The following MS4A4E variants were observed in gnomAD, a reference collection of about 807,000 sequenced individuals.
The protein encoded by MS4A4E is putative membrane-spanning 4-domains subfamily A member 4E.
Under a neutral mutation model 13.3 loss-of-function variants are expected in MS4A4E, and 23 were observed. That is an observed-to-expected ratio of 1.73 (90% CI 1.25 to 2.45). MS4A4E has a LOEUF of 2.45. Among genes scored for constraint, MS4A4E ranks in the 30% most tolerant of loss-of-function variants. The probability of loss-of-function intolerance (pLI) is 0.00; values close to 1 mark genes in which losing one functional copy is unlikely to be tolerated. For missense variants in MS4A4E, 144 were observed against 131.2 expected (o/e 1.10, Z -0.48); for synonymous variants, 36 against 45.6 (o/e 0.79, Z 0.85).
chr11:60,217,479 C>T (rs1318419630), intron 3 of MS4A4E, among the ~76,000 whole-genome samples: 1 of 152,124 alleles, frequency 6.6e-6, no homozygotes, highest in Non-Finnish European at 1.5e-5. Flanking sequence ...CTAACCCACA[C>T]TGCCATCAGC....
At chr11:60,213,271 A>G in intron 4 of MS4A4E, 139 bp from the exon 5 acceptor site, 1 of 1,535,248 alleles carries the variant, frequency 6.5e-7, no homozygotes, top group Non-Finnish European at 8.7e-7. Context: ...TTCAACTCTG[A>G]TCTCTCGCCA....
intron 8 of MS4A4E, among the ~76,000 whole-genome samples, chr11:60,204,222 G>C (rs1181635451): frequency 2.6e-5 from 4 of 152,204 alleles, no homozygotes; most frequent in Admixed American, 2.6e-4. Flanking sequence ...TTTATTATGA[G>C]TTAGAGAGGA....
At chr11:60,204,981 C>T (rs761506610) in intron 7 of MS4A4E, among the ~76,000 whole-genome samples, 23 bp from the exon 8 acceptor site, 1 of 152,078 alleles carries the variant, frequency 6.6e-6, no homozygotes, top group Non-Finnish European at 1.5e-5. Flanking sequence ...GACAGGTTAG[C>T]ATTGAAAGAA....
chr11:60,224,937 C>A (rs2134953564), intron 3 of MS4A4E: 1 of 1,476,638 alleles, frequency 6.8e-7, no homozygotes, highest in South Asian at 1.3e-5. Flanking sequence ...ATGTTATATC[C>A]AATTATATCA....
intron 3 of MS4A4E, among the ~76,000 whole-genome samples, chr11:60,219,388 G>A (rs1250270382): frequency 6.6e-6 from 1 of 152,184 alleles, no homozygotes; most frequent in African/African-American, 2.4e-5. Flanking sequence ...AAGAGGCAAA[G>A]CAGCAATCAG....
At chr11:60,215,377 G>A (rs2084179792) in intron 3 of MS4A4E, among the ~76,000 whole-genome samples, 1 of 151,530 alleles carries the variant, frequency 6.6e-6, no homozygotes, top group Non-Finnish European at 1.5e-5. Context: ...CATTTGGGAT[G>A]TTCCTTCAAC....
chr11:60,235,924 C>A (rs1457655579), intron 1 of MS4A4E, among the ~76,000 whole-genome samples: 1 of 152,130 alleles, frequency 6.6e-6, no homozygotes, highest in East Asian at 1.9e-4. Context: ...TTGGTTTTTG[C>A]TCCACTTTGA....
intron 3 of MS4A4E, among the ~76,000 whole-genome samples, chr11:60,216,374 T>C (rs2084193030): frequency 1.3e-5 from 2 of 152,108 alleles, no homozygotes; most frequent in African/African-American, 4.8e-5. Flanking sequence ...TATGTGATTC[T>C]GATAATGGAG....
chr11:60,213,184 T>A, intron 4 of MS4A4E, 52 bp from the exon 5 acceptor site: 1 of 1,046,742 alleles, frequency 9.6e-7, no homozygotes, highest in South Asian at 1.5e-5. Flanking sequence ...CTCAGATATA[T>A]CTCTGTTAAT....
Position 60,236,167 on chromosome 11 carries a change from C to G in MS4A4E, c.-16-6096G>C, listed in dbSNP as rs146456793. Among the ~76,000 whole-genome samples the G allele has an allele frequency of 2.6e-5, 4 of 152,284 alleles. No individual in the cohort carries two copies. In the East Asian group the frequency reaches 7.7e-4, roughly 29 times the overall value. On this transcript the variant is annotated intron_variant, in intron 1 of 8. Coordinates refer to ENST00000651255, the MANE Select transcript of MS4A4E (RefSeq NM_001393391.1). ...AATTCTATTCCATTGTTCTATATGT[C>G]TGTCCTTATGCCAATACCACACTGT...
intron 3 of MS4A4E, among the ~76,000 whole-genome samples, chr11:60,217,094 T>C (rs922954777): frequency 1.3e-5 from 2 of 152,124 alleles, no homozygotes; most frequent in Admixed American, 6.6e-5. Flanking sequence ...GACAAAGTGA[T>C]GAAAGAAAAT....
intron 3 of MS4A4E, among the ~76,000 whole-genome samples, chr11:60,226,679 C>A (rs673996): frequency 0.42 from 63,556 of 152,032 alleles, 13,684 homozygotes; most frequent in Admixed American, 0.42. Context: ...CTACAGCTAA[C>A]TTCATACTTA....
chr11:60,224,572 G>A (rs2084317268), intron 3 of MS4A4E, among the ~76,000 whole-genome samples: 2 of 152,174 alleles, frequency 1.3e-5, no homozygotes, highest in African/African-American at 2.4e-5. Flanking sequence ...TCAAAAATGA[G>A]ATGTGTCTAC....
At chr11:60,226,879 A>C (rs1239558294) in intron 3 of MS4A4E, among the ~76,000 whole-genome samples, 1 of 152,220 alleles carries the variant, frequency 6.6e-6, no homozygotes, top group Non-Finnish European at 1.5e-5. Context: ...GTCTGTGTAG[A>C]ATATCTGAAA....
At chr11:60,236,149 T>C (rs1002702749) in intron 1 of MS4A4E, among the ~76,000 whole-genome samples, 1 of 152,244 alleles carries the variant, frequency 6.6e-6, no homozygotes, top group African/African-American at 2.4e-5. Context: ...TTCAATTCTA[T>C]TCCATTGTTC....
intron 1 of MS4A4E, among the ~76,000 whole-genome samples, chr11:60,234,567 C>G (rs1272360453): frequency 6.6e-6 from 1 of 151,862 alleles, no homozygotes; most frequent in Non-Finnish European, 1.5e-5. Flanking sequence ...GCTTTGTGCA[C>G]TCACTTCCAT....
At chr11:60,214,829 G>A (rs1359263766) in intron 3 of MS4A4E, among the ~76,000 whole-genome samples, 2 of 152,196 alleles carry the variant, frequency 1.3e-5, no homozygotes, top group South Asian at 4.1e-4. Flanking sequence ...AATTTATCAA[G>A]CCTTTCAAAT....
intron 3 of MS4A4E, among the ~76,000 whole-genome samples, chr11:60,227,858 CA>C (rs922183303): frequency 3.2e-3 from 470 of 146,418 alleles, no homozygotes; most frequent in African/African-American, 5.0e-3. Flanking sequence ...ATAGTCTTTC[CA>C]AAAAAAAAAT....
chr11:60,242,935 G>A, intron 1 of MS4A4E, 23 bp downstream of exon 1: 1 of 1,542,906 alleles, frequency 6.5e-7, no homozygotes, highest in Non-Finnish European at 8.9e-7. Flanking sequence ...CGAGAGCCTA[G>A]GAAGGCAAGT....
Sources: gnomAD v4.1 joint callset for allele counts (sites outside exome capture counted in the v4.1 genomes callset) on GRCh38, gnomAD v4.1.1 for gene constraint, MANE v1.5 for transcripts, NCBI Gene and HGNC (gene_info 2026-07-23, HGNC 2026-07-21) for gene names.